TCF20: variants seen among roughly 807,000 people sequenced by gnomAD.
TCF20 encodes the protein SPRE-binding protein.
Under a neutral mutation model 148.6 loss-of-function variants are expected in TCF20, and 3 were observed. The observed-to-expected ratio is 0.02, with a 90% CI of 0.01 to 0.05. The LOEUF (loss-of-function observed/expected upper bound fraction) is 0.05, where lower values mean the gene tolerates loss of function less well. Ranked by LOEUF, TCF20 falls within the 10% of genes least tolerant of loss-of-function variation. The probability of loss-of-function intolerance (pLI) is 1.00; values close to 1 mark genes in which losing one functional copy is unlikely to be tolerated. For missense variants in TCF20, 2,350 were observed against 2,429.3 expected, an observed-to-expected ratio of 0.97 and a Z score of 0.69; for synonymous variants, 1,049 against 909.5, an observed-to-expected ratio of 1.15 and a Z score of -2.76.
upstream of TCF20, among the ~76,000 whole-genome samples, chr22:42,272,750 G>GA (rs966952572): frequency 1.3e-4 from 20 of 152,186 alleles, no homozygotes; most frequent in Admixed American, 4.6e-4. Flanking sequence ...GTTCCATCTG[G>GA]AAAAAGAACG....
intron 1 of TCF20, among the ~76,000 whole-genome samples, chr22:42,233,994 T>G (rs1923656815): frequency 6.6e-6 from 1 of 152,218 alleles, no homozygotes; most frequent in Admixed American, 6.5e-5. Context: ...CTCTAGCCCT[T>G]GAAAGAAAGC....
At chr22:42,326,749 C>T (rs1927882046) in intron 1 of TCF20, among the ~76,000 whole-genome samples, 1 of 152,264 alleles carries the variant, frequency 6.6e-6, no homozygotes, top group Non-Finnish European at 1.5e-5. Flanking sequence ...TGGCAAAGAG[C>T]TGCCATGTCC....
chr22:42,337,808 G>A (rs1330215488), intron 1 of TCF20, among the ~76,000 whole-genome samples: 3 of 152,236 alleles, frequency 2.0e-5, no homozygotes, highest in African/African-American at 7.2e-5. Flanking sequence ...CCTTCCATGT[G>A]ATGACCTTAT....
chr22:42,275,770 C>T (rs981368096), intron 1 of TCF20, among the ~76,000 whole-genome samples: 2 of 152,170 alleles, frequency 1.3e-5, no homozygotes, highest in East Asian at 3.8e-4. Context: ...TCTTCTGGCT[C>T]CAAAGCCCCC....
intron 1 of TCF20, among the ~76,000 whole-genome samples, chr22:42,243,440 T>C (rs1406807686): frequency 6.6e-6 from 1 of 150,458 alleles, no homozygotes. Context: ...CTGTCTCTAC[T>C]AAAAATATAA....
chr22:42,218,753 C>T (rs1032250334), intron 1 of TCF20, among the ~76,000 whole-genome samples: 3 of 152,122 alleles, frequency 2.0e-5, no homozygotes, highest in African/African-American at 4.8e-5. Flanking sequence ...ATCAGGGTAT[C>T]AGGCCTGAGG....
At chr22:42,313,236 C>T (rs1010565249) in intron 1 of TCF20, among the ~76,000 whole-genome samples, 1 of 152,200 alleles carries the variant, frequency 6.6e-6, no homozygotes, top group African/African-American at 2.4e-5. Context: ...GCAGGCGAAC[C>T]CCCTGGTGCA....
At chr22:42,246,558 C>T (rs1238385471) in intron 1 of TCF20, among the ~76,000 whole-genome samples, 2 of 152,230 alleles carry the variant, frequency 1.3e-5, no homozygotes, top group African/African-American at 2.4e-5. Context: ...TTTTTCTCTA[C>T]CTCTAAAATG....
At chr22:42,308,745 C>A (rs1248109626) in intron 1 of TCF20, among the ~76,000 whole-genome samples, 6 of 152,132 alleles carry the variant, frequency 3.9e-5, no homozygotes, top group Non-Finnish European at 8.8e-5. Flanking sequence ...GAAGTGAGGA[C>A]AGGGGAGGGA....
chr22:42,188,417 T>C (rs963495446), intron 2 of TCF20, among the ~76,000 whole-genome samples: 2 of 151,166 alleles, frequency 1.3e-5, no homozygotes, highest in Non-Finnish European at 2.9e-5. Context: ...ACCAGACCCA[T>C]GCTTCTTCAG....
rs1936671890 is a variant in TCF20 at position 42,179,617 on chromosome 22, A to G, written c.5741T>C (p.Ile1914Thr). 3.7e-6 allele frequency: 6 copies of G among 1,613,972 alleles called. No individual in the cohort carries two copies. The highest frequency in any genetic ancestry group is 5.1e-6 in the Non-Finnish European group (6 of 1,179,856). The change falls in exon 3 of 6, where the codon ATT (isoleucine) becomes ACT (threonine). Residue 1914 changes from isoleucine to threonine, a missense_variant. By Grantham distance (89) the Ile-to-Thr change is moderately conservative. Transcript: ENST00000677622. ...CTGTGGTCTCCTCTTACCTGCATCA[A>G]TGGCACACGGGTAATGGTATCGGAA... is the stretch of plus-strand genomic sequence containing the variant. The part of the protein sequence containing the change: ...CSFRYHYPCA[I>T]DADCLLHEEN...
chr22:42,165,399 G>A (rs1474204526), intron 5 of TCF20, among the ~76,000 whole-genome samples: 1 of 152,356 alleles, frequency 6.6e-6, no homozygotes, highest in East Asian at 1.9e-4. Context: ...GGCCTGTTAG[G>A]GCAAGCTGGG....
At position 42,161,216 on chromosome 22, in the gene TCF20, T is replaced by A; in HGVS notation, c.*187A>T. On this transcript the variant is annotated 3_prime_UTR_variant, in exon 6 of 6. Coordinates refer to ENST00000677622, the MANE Select transcript of TCF20 (RefSeq NM_001378418.1). ...TTTCCTGTGGTGTCACTGGTTTGAG[T>A]GTGATGTGAGAACTTAAGGAAGTGC... 8.8e-7 allele frequency: 1 copy of A among 1,130,472 alleles called. No homozygotes were observed. The highest frequency in any genetic ancestry group is 1.9e-5 in the Admixed American group (1 of 52,018). The allele number at this position is 1,130,472 out of a possible 1,614,324, so 70.0% of individuals were successfully genotyped here.
chr22:42,214,865 G>A lies in TCF20; in HGVS notation c.441C>T (p.Gly147=), dbSNP rs73887968. ...AATCCTGCTGATAATGTGACACACC[G>A]CCAAGGCCAGAGTGCTGTGCTTGAA... The part of the protein sequence containing the change: ...GQFQAQHSGL[G]GVSHYQQDYT... Residue 147 remains glycine (G), a synonymous_variant, in exon 2 of 6, where the codon GGC becomes GGT. Transcript: ENST00000677622. 1.8e-3 allele frequency: 2,874 copies of A among 1,614,140 alleles called. 37 individuals carry two copies. In the African/African-American group the frequency reaches 0.035, roughly 20 times the overall value.
chr22:42,211,478 A>T lies in TCF20; in HGVS notation c.3828T>A (p.Ser1276Arg). The change falls in exon 2 of 6, where the codon AGT becomes AGA. Residue 1276 changes from serine (S) to arginine (R), a missense_variant. Transcript: ENST00000677622. ...GGAGGCGACCTTTATCTTCAGTGCTACTGTTCTTTACATCTTGTGACTGTC... is the reference window on the plus strand; with the variant it reads ...GGAGGCGACCTTTATCTTCAGTGCTTCTGTTCTTTACATCTTGTGACTGTC... Reference protein sequence around the residue: ...SKRQSQDVKNSSTEDKGRLLH... With the variant: ...SKRQSQDVKNRSTEDKGRLLH... 1 of 1,614,200 alleles carries T rather than the reference A, an allele frequency of 6.2e-7. No individual in the cohort carries two copies. The highest frequency in any genetic ancestry group is 8.5e-7 in the Non-Finnish European group (1 of 1,180,038).
At chr22:42,251,885 G>A (rs546825476) in intron 1 of TCF20, among the ~76,000 whole-genome samples, 1 of 152,090 alleles carries the variant, frequency 6.6e-6, no homozygotes, top group South Asian at 2.1e-4. Flanking sequence ...TGGGATTTCA[G>A]TATTTGGGAT....
intron 1 of TCF20, among the ~76,000 whole-genome samples, chr22:42,266,595 T>C (rs1926299680): frequency 1.3e-5 from 2 of 152,056 alleles, no homozygotes; most frequent in South Asian, 4.1e-4. Flanking sequence ...CTGGCCAAGA[T>C]GGCGAATCCC....
chr22:42,225,843 C>T (rs1453755830), intron 1 of TCF20, among the ~76,000 whole-genome samples: 1 of 152,138 alleles, frequency 6.6e-6, no homozygotes, highest in Non-Finnish European at 1.5e-5. Flanking sequence ...TTGTTGGACA[C>T]CACAGTGCCC....
rs1388373247 is a variant in TCF20 at position 42,211,671 on chromosome 22, T to C, written c.3635A>G (p.Tyr1212Cys). The change falls in exon 2 of 6, where the codon TAT (tyrosine) becomes TGT (cysteine). Residue 1212 changes from tyrosine to cysteine, a missense_variant. By Grantham distance (194) the Tyr-to-Cys change is radical (BLOSUM62 -2). Around this residue, in one of 7 missense-constraint regions of TCF20, gnomAD observed 1,641 missense variants for 1,662.6 expected, o/e 0.99. Transcript: ENST00000677622. ...TCCATCAGTCTCATGGGGCGGCCCA[T>C]ACCTTTTTTGACTGGACATTCCTGG... ...GPPGMSSQKRYGPPHETDGHG... is the reference protein window; with the variant it reads ...GPPGMSSQKRCGPPHETDGHG... The C allele has an allele frequency of 2.5e-6, 4 of 1,614,198 alleles. No homozygotes were observed. Among genetic ancestry groups the C allele is most frequent in the Admixed American group, 1.7e-5 (1 of 60,026 alleles).
Sources: allele counts gnomAD v4.1 joint callset (sites outside exome capture counted in the v4.1 genomes callset), GRCh38; gene constraint gnomAD v4.1.1; regional missense constraint gnomAD v4.1.1; transcripts MANE v1.5; gene names NCBI Gene and HGNC (gene_info 2026-07-23, HGNC 2026-07-21).